ALKBH3: variants seen among roughly 807,000 people sequenced by gnomAD.
The protein encoded by ALKBH3 is alpha-ketoglutarate-dependent dioxygenase alkB homolog 3.
ALKBH3 carries 51 observed loss-of-function variants against 43.9 expected under a neutral mutation model. The observed-to-expected ratio is 1.16, with a 90% CI of 0.93 to 1.47. ALKBH3 has a LOEUF of 1.47. Ranked by LOEUF, ALKBH3 falls within the 40% of genes most tolerant of loss-of-function variation. The pLI is 0.00. For missense variants in ALKBH3, 361 were observed against 351.9 expected, an observed-to-expected ratio of 1.03 and a Z score of -0.21; for synonymous variants, 102 against 115.2, an observed-to-expected ratio of 0.89 and a Z score of 0.73.
chr11:43,904,071 C>T (rs1036325093), intron 8 of ALKBH3, among the ~76,000 whole-genome samples: 15 of 152,290 alleles, frequency 9.8e-5, no homozygotes, highest in African/African-American at 2.6e-4. Flanking sequence ...TTTATCCTGC[C>T]GTGCCCCATG....
rs762390141 is a variant in ALKBH3, at chr11:43,892,130, G to A, written c.459+1G>A. On this transcript the variant is annotated splice_donor_variant, in intron 7 of 9. Coordinates refer to ENST00000302708, the MANE Select transcript of ALKBH3 (RefSeq NM_139178.4). LOFTEE classifies it high-confidence loss of function. ...AATCACTATGGAACCAAATCCTCACGTATGTCAACATATTGTCATTGGTAT... is the reference window on the plus strand; with the variant it reads ...AATCACTATGGAACCAAATCCTCACATATGTCAACATATTGTCATTGGTAT... 5.0e-6 allele frequency: 8 copies of A among 1,599,326 alleles called. No individual in the cohort carries two copies. The highest frequency in any genetic ancestry group is 2.2e-5 in the East Asian group (1 of 44,820).
chr11:43,899,251 T>A (rs949520647), intron 7 of ALKBH3: 5 of 731,202 alleles, frequency 6.8e-6, no homozygotes, highest in Non-Finnish European at 2.6e-6. Context: ...TGGAATTGCC[T>A]CTGATCTGCA....
At position 43,900,215 on chromosome 11, in the gene ALKBH3, ATTTT is replaced by A. The variant is rs34274072; in HGVS notation, c.460-1278_460-1275del. 9.2e-5 allele frequency among the ~76,000 whole-genome samples: 8 copies of A among 87,168 alleles called. No homozygotes were observed. The South Asian group carries it at 2.9e-3, about 31-fold the overall frequency. 57.2% of individuals were successfully genotyped at this position (87,168 alleles called of 152,430 possible). On this transcript the variant is annotated intron_variant, in intron 7 of 9. Coordinates refer to ENST00000302708, the MANE Select transcript of ALKBH3 (RefSeq NM_139178.4). ...ATTGCATTTTTTTTATTTTAATTTA[ATTTT>A]TTTTTTTTTTTTTTTTTTTTTTGCG...
chr11:43,910,170 A>G (rs1951926842), intron 8 of ALKBH3: 1 of 151,716 alleles, frequency 6.6e-6, no homozygotes, highest in Non-Finnish European at 1.5e-5. Context: ...TTTACATTCA[A>G]CCCCTTAAAT....
intron 7 of ALKBH3, among the ~76,000 whole-genome samples, chr11:43,895,268 T>C (rs1334572639): frequency 6.6e-6 from 1 of 152,194 alleles, no homozygotes; most frequent in Non-Finnish European, 1.5e-5. Flanking sequence ...ATAATCCCCG[T>C]GTATCAAGGG....
chr11:43,912,596 C>A (rs145326412), intron 8 of ALKBH3: 6 of 152,242 alleles, frequency 3.9e-5, no homozygotes, highest in South Asian at 2.1e-4. Flanking sequence ...CTATTTTGCT[C>A]ATCTAAGGAA....
At chr11:43,917,645 A>ATT (rs36058738) in intron 8 of ALKBH3, among the ~76,000 whole-genome samples, 2 of 149,804 alleles carry the variant, frequency 1.3e-5, no homozygotes, top group East Asian at 3.9e-4. Flanking sequence ...CTCTGTCTGG[A>ATT]TTTTTTTTTT....
intron 8 of ALKBH3, among the ~76,000 whole-genome samples, chr11:43,913,106 TAAAAAAA>T (rs1157441702): frequency 1.5e-5 from 2 of 133,940 alleles, no homozygotes; most frequent in African/African-American, 5.5e-5. Flanking sequence ...TTCCAGTTGT[TAAAAAAA>T]AAAAAAAAAC....
intron 7 of ALKBH3, among the ~76,000 whole-genome samples, chr11:43,894,787 A>G (rs1469698577): frequency 6.6e-6 from 1 of 152,226 alleles, no homozygotes; most frequent in African/African-American, 2.4e-5. Context: ...TGCTGACATT[A>G]TTATTGGAAT....
chr11:43,892,223 A>T, intron 7 of ALKBH3, 94 bp downstream of exon 7: 1 of 1,099,326 alleles, frequency 9.1e-7, no homozygotes, highest in East Asian at 2.6e-5. Context: ...GCAGAGATTC[A>T]TGCTGGTTCC....
At chr11:43,900,603 G>A (rs1462272938) in intron 7 of ALKBH3, among the ~76,000 whole-genome samples, 1 of 152,114 alleles carries the variant, frequency 6.6e-6, no homozygotes, top group African/African-American at 2.4e-5. Context: ...ACTGACGGCT[G>A]TAACCCATAT....
At chr11:43,891,160 T>TTTCTC (rs1210675976) in intron 6 of ALKBH3, among the ~76,000 whole-genome samples, 1 of 152,234 alleles carries the variant, frequency 6.6e-6, no homozygotes, top group Non-Finnish European at 1.5e-5. Context: ...AGGAGTCAGC[T>TTTCTC]TTCTCTCAGC....
intron 8 of ALKBH3, chr11:43,916,627 C>G (rs1459964679): frequency 1.3e-5 from 2 of 152,134 alleles, no homozygotes; most frequent in African/African-American, 4.8e-5. Context: ...GTAACTTAAC[C>G]ACGCTTAATG....
At position 43,889,816 on chromosome 11, in the gene ALKBH3, G is replaced by A. The variant is rs778328022; in HGVS notation, c.358G>A (p.Gly120Ser). 9.3e-6 allele frequency: 15 copies of A among 1,612,890 alleles called. No individual in the cohort carries two copies. The highest frequency in any genetic ancestry group is 2.2e-5 in the South Asian group (2 of 91,040). The change falls in exon 6 of 10, where the codon GGC becomes AGC. Residue 120 changes from glycine (G) to serine (S), a missense_variant. Physicochemically the swap from Gly to Ser is moderately conservative, Grantham distance 56. Transcript: ENST00000302708. ...AGATGTTCCCTGGAAACAGAGGACT[G>A]GCATCAGAGAGGGTAAGTAGATCCC... Reference protein sequence around the residue: ...CQDVPWKQRTGIREDITYQQP... With the variant: ...CQDVPWKQRTSIREDITYQQP...
chr11:43,907,362 C>T (rs1194139475), intron 8 of ALKBH3, among the ~76,000 whole-genome samples: 1 of 152,142 alleles, frequency 6.6e-6, no homozygotes, highest in African/African-American at 2.4e-5. Context: ...AATCCATGCC[C>T]TGACTCCCAC....
At position 43,899,166 on chromosome 11, in the gene ALKBH3, G is replaced by C. The variant is rs953112548; in HGVS notation, c.460-2350G>C. 5.1e-6 allele frequency: 4 copies of C among 788,138 alleles called. No individual in the cohort carries two copies. In the Admixed American group the frequency reaches 6.9e-5, roughly 14 times the overall value. The allele number at this position is 788,138 out of a possible 1,614,324, so 48.8% of individuals were successfully genotyped here. ...GCCACCCAAAAAGGACTCCCTAGGG[G>C]CCCCACCTCTCCAGGTGGGAACAAT... On this transcript the variant is annotated intron_variant, in intron 7 of 9. Transcript: ENST00000302708.
At chr11:43,901,757 G>A in intron 8 of ALKBH3, 32 bp downstream of exon 8, 1 of 1,607,658 alleles carries the variant, frequency 6.2e-7, no homozygotes, top group Non-Finnish European at 8.5e-7. Context: ...TGCTCTTCCT[G>A]CCTCTTATTA....
intron 7 of ALKBH3, chr11:43,897,226 A>G (rs773904641): frequency 5.6e-6 from 3 of 537,040 alleles, no homozygotes; most frequent in Middle Eastern, 3.2e-4. Flanking sequence ...TTAAGAAGTC[A>G]GCACCTGTTA....
chr11:43,913,389 G>A (rs1951957084), intron 8 of ALKBH3, among the ~76,000 whole-genome samples: 1 of 152,000 alleles, frequency 6.6e-6, no homozygotes, highest in African/African-American at 2.4e-5. Flanking sequence ...ATTTTAATTT[G>A]AAAGACCTAG....
Sources: allele counts gnomAD v4.1 joint callset (sites outside exome capture counted in the v4.1 genomes callset), GRCh38; gene constraint gnomAD v4.1.1; transcripts MANE v1.5; gene names NCBI Gene and HGNC (gene_info 2026-07-23, HGNC 2026-07-21).